The following RALYL variants were observed in gnomAD, a reference collection of about 807,000 sequenced individuals.
The protein encoded by RALYL is RNA-binding Raly-like protein.
Under a neutral mutation model 35.1 loss-of-function variants are expected in RALYL, and 29 were observed. The observed-to-expected ratio is 0.83, with a 90% CI of 0.61 to 1.13. The LOEUF is 1.13. RALYL is among the 50% of genes most tolerant of loss of function. RALYL has a pLI of 0.00. For synonymous variants in RALYL, 120 were observed against 127.6 expected, an observed-to-expected ratio of 0.94 and a Z score of 0.40; for missense variants, 359 against 360.4, an observed-to-expected ratio of 1.00 and a Z score of 0.03.
chr8:84,360,796 G>A (rs1348597134), intron 1 of RALYL, among the ~76,000 whole-genome samples: 7 of 152,044 alleles, frequency 4.6e-5, no homozygotes, highest in Non-Finnish European at 1.0e-4. Flanking sequence ...TAGATTCATT[G>A]TCATGGTTTT....
chr8:84,493,911 G>T lies in RALYL; in HGVS notation c.-23-35388G>T, dbSNP rs7829131. On this transcript the variant is annotated intron_variant, in intron 1 of 8. Coordinates refer to ENST00000521268, the MANE Select transcript of RALYL (RefSeq NM_173848.7). ...ATGCAGAAGCTCTTTAGTTTAATTA[G>T]ATCCCATTTGTCTATTTTAGCTTTT... Among the ~76,000 whole-genome samples the T allele has an allele frequency of 2.1e-3, 323 of 152,166 alleles. 1 individual carries two copies. The highest frequency in any genetic ancestry group is 7.1e-3 in the African/African-American group (295 of 41,516).
At chr8:84,775,494 T>C (rs888434853) in intron 3 of RALYL, among the ~76,000 whole-genome samples, 13 of 152,176 alleles carry the variant, frequency 8.5e-5, no homozygotes, top group Admixed American at 7.2e-4. Context: ...GCCTTCTTTA[T>C]TACAAAGTAC....
At chr8:84,820,595 T>C (rs957037269) in intron 4 of RALYL, among the ~76,000 whole-genome samples, 1 of 152,150 alleles carries the variant, frequency 6.6e-6, no homozygotes, top group Non-Finnish European at 1.5e-5. Flanking sequence ...TGCAGGTGTG[T>C]TGCATAGGTA....
chr8:84,359,313 G>C (rs1852477055), intron 1 of RALYL, among the ~76,000 whole-genome samples: 1 of 151,390 alleles, frequency 6.6e-6, no homozygotes, highest in South Asian at 2.1e-4. Context: ...TACTGAATTA[G>C]CATAAACCAC....
intron 2 of RALYL, among the ~76,000 whole-genome samples, chr8:84,582,476 G>GAA (rs371285749): frequency 1.3e-5 from 2 of 149,738 alleles, no homozygotes; most frequent in African/African-American, 4.9e-5. Flanking sequence ...CAATGTAACT[G>GAA]AAAAAAAAAG....
chr8:84,214,937 A>T (rs1586238657), intron 1 of RALYL, among the ~76,000 whole-genome samples: 1 of 150,940 alleles, frequency 6.6e-6, no homozygotes, highest in East Asian at 2.0e-4. Context: ...ACGGAGTCTC[A>T]CTCTGTCACC....
rs528077628 is a variant in RALYL, at chr8:84,657,528, T to C, written c.257-117051T>C. Among the ~76,000 whole-genome samples, 6 of 152,316 alleles carry C rather than the reference T, an allele frequency of 3.9e-5. No homozygotes were observed. In the South Asian group the frequency reaches 1.2e-3, roughly 32 times the overall value. ...ACAGTGCATTAGTAAAGGGGCTTTC[T>C]AGATATACGTTACCAAGTTCAAAGA... is the stretch of plus-strand genomic sequence containing the variant. On this transcript the variant is annotated intron_variant, in intron 2 of 8. Coordinates refer to ENST00000521268, the MANE Select transcript of RALYL (RefSeq NM_173848.7).
intron 4 of RALYL, among the ~76,000 whole-genome samples, chr8:84,811,628 C>A (rs938542881): frequency 1.3e-5 from 2 of 152,156 alleles, no homozygotes; most frequent in African/African-American, 4.8e-5. Context: ...TTTTAGATTT[C>A]TCTTCTTCCT....
At chr8:84,413,975 G>A (rs1234210465) in intron 1 of RALYL, among the ~76,000 whole-genome samples, 6 of 152,032 alleles carry the variant, frequency 3.9e-5, no homozygotes, top group African/African-American at 1.2e-4. Flanking sequence ...TCTCATTAGA[G>A]TATGCTAGGT....
At chr8:84,920,529 A>T (rs1423224992) in intron 8 of RALYL, among the ~76,000 whole-genome samples, 1 of 152,044 alleles carries the variant, frequency 6.6e-6, no homozygotes, top group Non-Finnish European at 1.5e-5. Flanking sequence ...TCCTATGGTC[A>T]TTCTTGTTAG....
intron 1 of RALYL, among the ~76,000 whole-genome samples, chr8:84,262,266 T>A (rs988804447): frequency 1.3e-5 from 2 of 152,190 alleles, no homozygotes; most frequent in Admixed American, 6.5e-5. Flanking sequence ...GCACTTTTTT[T>A]AAAATCATGG....
At chr8:84,426,847 G>C (rs116972225) in intron 1 of RALYL, among the ~76,000 whole-genome samples, 1 of 152,118 alleles carries the variant, frequency 6.6e-6, no homozygotes, top group African/African-American at 2.4e-5. Flanking sequence ...ACTCTTGCAT[G>C]CTGTTGGTGG....
At chr8:84,538,115 T>C (rs892844171) in intron 2 of RALYL, among the ~76,000 whole-genome samples, 6 of 152,312 alleles carry the variant, frequency 3.9e-5, no homozygotes, top group African/African-American at 1.4e-4. Context: ...TAGAGTGAAT[T>C]GTAGAACTAA....
At chr8:84,236,010 C>G (rs999833320) in intron 1 of RALYL, among the ~76,000 whole-genome samples, 3 of 151,974 alleles carry the variant, frequency 2.0e-5, no homozygotes, top group African/African-American at 7.3e-5. Context: ...CATAATCCAC[C>G]CACCTTGGCC....
intron 1 of RALYL, among the ~76,000 whole-genome samples, chr8:84,427,055 G>A (rs574890129): frequency 1.4e-4 from 21 of 152,158 alleles, no homozygotes; most frequent in Non-Finnish European, 5.9e-5. Context: ...ACTCATGGAT[G>A]AACAGATAAA....
chr8:84,567,397 AT>A (rs1414313695), intron 2 of RALYL, among the ~76,000 whole-genome samples: 1 of 151,568 alleles, frequency 6.6e-6, no homozygotes, highest in Non-Finnish European at 1.5e-5. Flanking sequence ...AGTGCCTATT[AT>A]TTTTATCTGT....
At chr8:84,920,561 G>A (rs1849158332) in intron 8 of RALYL, among the ~76,000 whole-genome samples, 1 of 151,950 alleles carries the variant, frequency 6.6e-6, no homozygotes, top group South Asian at 2.1e-4. Context: ...AGATTCACGA[G>A]TAATTGAAAT....
Position 84,266,959 on chromosome 8 carries a change from C to CAAA in RALYL, c.-24+82556_-24+82558dup, listed in dbSNP as rs747403533. Among the ~76,000 whole-genome samples the CAAA allele has an allele frequency of 3.2e-3, 195 of 60,232 alleles. 2 individuals are homozygous for CAAA. In the South Asian group the frequency reaches 0.039, roughly 12 times the overall value. The allele number at this position is 60,232 out of a possible 152,430, so 39.5% of individuals were successfully genotyped here. On this transcript the variant is annotated intron_variant, in intron 1 of 8. Coordinates refer to ENST00000521268, the MANE Select transcript of RALYL (RefSeq NM_173848.7). Reference sequence around the variant, plus strand: ...TGGGCGACAGAGCGAGACTCCGTCTCAAAAAAAAAAAAAAAAAAAAAAATT... The same window carrying CAAA: ...TGGGCGACAGAGCGAGACTCCGTCTCAAAAAAAAAAAAAAAAAAAAAAAAAATT...
intron 1 of RALYL, among the ~76,000 whole-genome samples, chr8:84,206,011 A>G (rs1817973497): frequency 6.6e-6 from 1 of 152,048 alleles, no homozygotes; most frequent in African/African-American, 2.4e-5. Context: ...TCCTCTTCTT[A>G]ACATATGTGT....
Sources: gnomAD v4.1 joint callset for allele counts (sites outside exome capture counted in the v4.1 genomes callset) on GRCh38, gnomAD v4.1.1 for gene constraint, MANE v1.5 for transcripts, NCBI Gene and HGNC (gene_info 2026-07-23, HGNC 2026-07-21) for gene names.